ZPBP: variants seen among roughly 807,000 people sequenced by gnomAD.
ZPBP encodes zona pellucida-binding protein 1.
Under a neutral mutation model 44.8 loss-of-function variants are expected in ZPBP, and 26 were observed. The ratio of observed to expected loss-of-function variants is 0.58; its 90% CI spans 0.43 to 0.81. The LOEUF is 0.81. ZPBP is among the 30% of genes least tolerant of loss of function. ZPBP has a pLI of 0.00. For missense variants in ZPBP, 409 were observed against 434.0 expected (o/e 0.94, Z 0.51); for synonymous variants, 174 against 153.2 (o/e 1.14, Z -1.00).
At chr7:50,031,387 TATC>T (rs1799602758) in intron 4 of ZPBP, 77 bp from the exon 5 acceptor site, 36 of 1,072,312 alleles carry the variant, frequency 3.4e-5, no homozygotes, top group South Asian at 1.8e-4. Flanking sequence ...ATTTAAGAAA[TATC>T]ATTATTTGGT....
At chr7:49,993,992 CCATTCAGAGAGGTCTTTCCA>C (rs1289240657) in intron 6 of ZPBP, among the ~76,000 whole-genome samples, 2 of 152,196 alleles carry the variant, frequency 1.3e-5, no homozygotes, top group Non-Finnish European at 2.9e-5. Flanking sequence ...CACTTTCTGC[CCATTCAGAGAGGTCTTTCCA>C]CATTCCTCTT....
intron 6 of ZPBP, among the ~76,000 whole-genome samples, chr7:49,992,761 GA>G (rs1314718073): frequency 1.3e-5 from 2 of 152,174 alleles, no homozygotes; most frequent in African/African-American, 4.8e-5. Context: ...AATTCTGGCT[GA>G]AAATGTTTCT....
At chr7:49,931,546 A>C (rs1349701044) in intron 1 of ZPBP, among the ~76,000 whole-genome samples, 1 of 152,142 alleles carries the variant, frequency 6.6e-6, no homozygotes, top group African/African-American at 2.4e-5. Flanking sequence ...AACTTGAGAG[A>C]GATGATTTAC....
chr7:49,982,273 TAA>T (rs1166354206), intron 7 of ZPBP, among the ~76,000 whole-genome samples: 1 of 105,632 alleles, frequency 9.5e-6, no homozygotes, highest in Non-Finnish European at 1.8e-5. Context: ...ATATTATATA[TAA>T]TTTATAATTA....
At chr7:49,931,677 A>G (rs6963633) in intron 1 of ZPBP, among the ~76,000 whole-genome samples, 2,834 of 152,312 alleles carry the variant, frequency 0.019, 103 homozygotes, top group African/African-American at 0.065. Flanking sequence ...TCTGGGGAGA[A>G]ATTCAAGCCA....
At chr7:49,961,519 C>T (rs1441686359) in intron 7 of ZPBP, among the ~76,000 whole-genome samples, 2 of 151,964 alleles carry the variant, frequency 1.3e-5, no homozygotes, top group Non-Finnish European at 2.9e-5. Flanking sequence ...TTTTCTTGAC[C>T]ATTGTGATGC....
intron 2 of ZPBP, among the ~76,000 whole-genome samples, chr7:49,896,887 T>A (rs1792410408): frequency 1.4e-5 from 2 of 140,920 alleles, no homozygotes; most frequent in South Asian, 2.4e-4. Context: ...GATAATTTTT[T>A]TTTTTTTTTT....
chr7:49,981,258 T>A (rs1796857663), intron 7 of ZPBP, among the ~76,000 whole-genome samples: 2 of 113,916 alleles, frequency 1.8e-5, no homozygotes, highest in Non-Finnish European at 3.3e-5. Flanking sequence ...ATGTTATATA[T>A]AATATAGATC....
chr7:49,940,657 A>G (rs2128753010), intron 7 of ZPBP: 1 of 649,530 alleles, frequency 1.5e-6, no homozygotes, highest in Non-Finnish European at 1.9e-6. Flanking sequence ...CTGAATCCAA[A>G]AAAAAAAAAG....
intron 3 of ZPBP, among the ~76,000 whole-genome samples, chr7:50,066,428 G>A (rs1197030599): frequency 7.2e-6 from 1 of 138,260 alleles, no homozygotes; most frequent in Non-Finnish European, 1.6e-5. Context: ...TTTATAGTAG[G>A]TATGGTAGAG....
intron 7 of ZPBP, among the ~76,000 whole-genome samples, chr7:49,960,071 G>T (rs1198822465): frequency 6.6e-6 from 1 of 152,034 alleles, no homozygotes; most frequent in Admixed American, 6.6e-5. Context: ...ACACCAAACA[G>T]AAAAATCAAC....
At chr7:50,084,456 C>T (rs1046232899) in intron 2 of ZPBP, among the ~76,000 whole-genome samples, 1 of 150,224 alleles carries the variant, frequency 6.7e-6, no homozygotes, top group African/African-American at 2.4e-5. Flanking sequence ...TTAATTAATA[C>T]ATGAATTAAT....
intron 7 of ZPBP, among the ~76,000 whole-genome samples, chr7:49,975,361 T>G (rs2128772765): frequency 6.6e-6 from 1 of 152,246 alleles, no homozygotes; most frequent in South Asian, 2.1e-4. Flanking sequence ...GTGCTGTTCC[T>G]TCTCATAGTT....
At chr7:49,983,317 C>T (rs747930885) in intron 7 of ZPBP, 25 bp downstream of exon 7, 2 of 1,609,096 alleles carry the variant, frequency 1.2e-6, no homozygotes, top group East Asian at 4.5e-5. Flanking sequence ...CAATATAAAA[C>T]ATGAAATCAT....
intron 7 of ZPBP, among the ~76,000 whole-genome samples, chr7:49,982,218 G>GTAATATA (rs1797026770): frequency 1.4e-5 from 1 of 71,412 alleles, no homozygotes; most frequent in South Asian, 3.6e-4. Flanking sequence ...TATATATAAT[G>GTAATATA]TAATATATAA....
intron 2 of ZPBP, among the ~76,000 whole-genome samples, chr7:49,853,597 A>G (rs1790286660): frequency 6.6e-6 from 1 of 152,148 alleles, no homozygotes; most frequent in South Asian, 2.1e-4. Context: ...AAGAATTTAC[A>G]TAAAGTATGT....
At chr7:50,008,333 C>T (rs968337383) in intron 6 of ZPBP, among the ~76,000 whole-genome samples, 3 of 151,986 alleles carry the variant, frequency 2.0e-5, no homozygotes, top group Non-Finnish European at 4.4e-5. Context: ...ATATGAAAAA[C>T]TTGTATGCTG....
intron 7 of ZPBP, among the ~76,000 whole-genome samples, chr7:49,969,068 G>T (rs1796177662): frequency 6.6e-6 from 1 of 151,158 alleles, no homozygotes; most frequent in Non-Finnish European, 1.5e-5. Context: ...GAGACCTGAT[G>T]GAAAAATTAC....
At chr7:49,843,766 C>G in the ZPBP span, among the ~76,000 whole-genome samples, 1 of 152,154 alleles carries the variant, frequency 6.6e-6, no homozygotes, top group Admixed American at 6.5e-5. Context: ...ATGTTGCCCC[C>G]AGCGCTACAG....
Sources: gnomAD v4.1 joint callset for allele counts (sites outside exome capture counted in the v4.1 genomes callset) on GRCh38, gnomAD v4.1.1 for gene constraint, MANE v1.5 for transcripts, NCBI Gene and HGNC (gene_info 2026-07-23, HGNC 2026-07-21) for gene names.